The following JAK2 variants were observed in gnomAD, a reference collection of about 807,000 sequenced individuals.
JAK2 encodes the protein Janus kinase 2, also known as tyrosine-protein kinase JAK2.
In JAK2, 86 loss-of-function variants were observed where a neutral mutation model predicts 139.3. That is an observed-to-expected ratio of 0.62 (90% CI 0.52 to 0.74). JAK2 has a LOEUF of 0.74. Ranked by LOEUF, JAK2 falls within the 30% of genes least tolerant of loss-of-function variation. The pLI is 0.00. For synonymous variants in JAK2, 490 were observed against 437.7 expected (o/e 1.12, Z -1.49); for missense variants, 1,421 against 1,360.3 (o/e 1.04, Z -0.70).
chr9:5,022,032 C>T lies in JAK2; in HGVS notation c.45C>T (p.Ser15=), dbSNP rs763029603. Reference sequence around the variant, plus strand: ...CGATGACAGAAATGGAGGGAACATCCACCTCTTCTATATATCAGAATGGTG... The same window carrying T: ...CGATGACAGAAATGGAGGGAACATCTACCTCTTCTATATATCAGAATGGTG... ...CLTMTEMEGT[S]TSSIYQNGDI... The change falls in exon 3 of 25, where the codon TCC becomes TCT. Residue 15 remains serine (S), a synonymous_variant. Transcript: ENST00000381652. 34 of 1,613,984 alleles carry T rather than the reference C, an allele frequency of 2.1e-5. No individual in the cohort carries two copies. The highest frequency in any genetic ancestry group is 2.9e-5 in the Non-Finnish European group (34 of 1,179,942).
chr9:4,989,783 A>T (rs1820144107), intron 2 of JAK2, among the ~76,000 whole-genome samples: 1 of 152,202 alleles, frequency 6.6e-6, no homozygotes, highest in South Asian at 2.1e-4. Flanking sequence ...ATGTTCAGAG[A>T]GCAGTACATA....
chr9:5,005,742 C>T (rs368187605), intron 2 of JAK2, among the ~76,000 whole-genome samples: 99 of 152,190 alleles, frequency 6.5e-4, no homozygotes, highest in African/African-American at 2.2e-3. Context: ...AATGTTTCTT[C>T]CTCAGACATT....
intron 2 of JAK2, among the ~76,000 whole-genome samples, chr9:5,010,506 A>C (rs1821628294): frequency 6.6e-6 from 1 of 152,068 alleles, no homozygotes; most frequent in African/African-American, 2.4e-5. Flanking sequence ...TTTTTAGTAC[A>C]GACAGGGTTT....
intron 2 of JAK2, among the ~76,000 whole-genome samples, chr9:4,989,972 A>G (rs1197881096): frequency 6.6e-6 from 1 of 152,224 alleles, no homozygotes; most frequent in African/African-American, 2.4e-5. Context: ...TGAAATAAGT[A>G]TTTTAGGAAA....
intron 22 of JAK2, chr9:5,099,450 T>C (rs1201806416): frequency 6.6e-6 from 1 of 152,254 alleles, no homozygotes; most frequent in African/African-American, 2.4e-5. Context: ...ATCCTGTCAA[T>C]AATCATAACT....
chr9:5,040,419 A>G (rs1046032978), intron 4 of JAK2, among the ~76,000 whole-genome samples: 3 of 152,222 alleles, frequency 2.0e-5, no homozygotes. Flanking sequence ...TATGACACCA[A>G]AAGCTCAAGT....
chr9:5,059,534 A>AT (rs1818008651), intron 8 of JAK2, among the ~76,000 whole-genome samples: 2 of 152,036 alleles, frequency 1.3e-5, no homozygotes, highest in East Asian at 1.9e-4. Context: ...TCTTATACAT[A>AT]TTTTTTGGTG....
chr9:5,042,167 G>C (rs1455512586), intron 4 of JAK2, among the ~76,000 whole-genome samples: 2 of 109,346 alleles, frequency 1.8e-5, no homozygotes, highest in African/African-American at 7.2e-5. Flanking sequence ...GTCTCGCTTT[G>C]TCGCCCAGGC....
chr9:5,087,430 C>T (rs1415985813), intron 19 of JAK2, among the ~76,000 whole-genome samples: 2 of 152,028 alleles, frequency 1.3e-5, no homozygotes, highest in African/African-American at 4.8e-5. Flanking sequence ...ATGGGGTTTA[C>T]AATTCAAGAT....
At chr9:5,111,301 C>T in intron 22 of JAK2, 1 of 468,508 alleles carries the variant, frequency 2.1e-6, no homozygotes, top group Non-Finnish European at 4.1e-6. Context: ...GGCAAGCTGG[C>T]CCTCAGCAGC....
At chr9:5,044,599 A>C (rs2130327699) in intron 5 of JAK2, 79 bp downstream of exon 5, 1 of 875,952 alleles carries the variant, frequency 1.1e-6, no homozygotes, top group African/African-American at 1.7e-5. Context: ...AATCAGGAAA[A>C]ACTTTACATA....
intron 22 of JAK2, among the ~76,000 whole-genome samples, chr9:5,096,361 C>A (rs1216991917): frequency 6.6e-6 from 1 of 152,158 alleles, no homozygotes; most frequent in African/African-American, 2.4e-5. Context: ...AAACTCTATT[C>A]TGCATCAGTT....
chr9:5,061,660 TATC>T (rs368311341), intron 8 of JAK2, among the ~76,000 whole-genome samples: 1 of 152,264 alleles, frequency 6.6e-6, no homozygotes, highest in African/African-American at 2.4e-5. Context: ...ACTTTCTCTG[TATC>T]ATCAATAAGG....
rs1172842852 is a variant in JAK2, at chr9:5,128,406, G to A, written c.*1615G>A. ...TGAAAGTTTAATTTTTATTTGTAAAGACTCCTCAAGGATTTGTATATGCAA... is the reference window on the plus strand; with the variant it reads ...TGAAAGTTTAATTTTTATTTGTAAAAACTCCTCAAGGATTTGTATATGCAA... On this transcript the variant is annotated 3_prime_UTR_variant, in exon 25 of 25. Coordinates refer to ENST00000381652, the MANE Select transcript of JAK2 (RefSeq NM_004972.4). Among the ~76,000 whole-genome samples the A allele has an allele frequency of 4.0e-5, 6 of 151,590 alleles. No homozygotes were observed. The highest frequency in any genetic ancestry group is 7.4e-5 in the Non-Finnish European group (5 of 67,688).
Position 4,994,744 on chromosome 9 carries a change from C to T in JAK2, c.-26+8722C>T, listed in dbSNP as rs1294811939. ...ATGTGTGAACTGTGCTCTGCCAATTCCCAATTTAAATCATTACTTGACTCC... is the reference window on the plus strand; with the variant it reads ...ATGTGTGAACTGTGCTCTGCCAATTTCCAATTTAAATCATTACTTGACTCC... On this transcript the variant is annotated intron_variant, in intron 2 of 24. Transcript: ENST00000381652. Among the ~76,000 whole-genome samples, 3 of 152,106 alleles carry T rather than the reference C, an allele frequency of 2.0e-5. No individual in the cohort carries two copies. The South Asian group carries it at 6.2e-4, about 32-fold the overall frequency.
chr9:5,081,636 G>A (rs968384979), intron 18 of JAK2, 89 bp from the exon 19 acceptor site: 17 of 851,266 alleles, frequency 2.0e-5, no homozygotes, highest in African/African-American at 1.4e-4. Flanking sequence ...TTTAACTCAC[G>A]ATTATTTTGG....
At chr9:5,102,573 C>T (rs1284390539) in intron 22 of JAK2, among the ~76,000 whole-genome samples, 2 of 151,970 alleles carry the variant, frequency 1.3e-5, no homozygotes, top group Admixed American at 6.6e-5. Flanking sequence ...GAAGAGCAAC[C>T]CCAAGACACG....
In JAK2 at chr9:5,129,894, T is replaced by C. The variant is rs1232796126; in HGVS notation, c.*3103T>C. ...ATACCTAAATATTAAAATATTTACT[T>C]TTATAATCTTACCTTTTATTTCAAT... On this transcript the variant is annotated 3_prime_UTR_variant, in exon 25 of 25. Coordinates refer to ENST00000381652, the MANE Select transcript of JAK2 (RefSeq NM_004972.4). Among the ~76,000 whole-genome samples the C allele has an allele frequency of 6.6e-6, 1 of 152,154 alleles. No homozygotes were observed. The highest frequency in any genetic ancestry group is 1.9e-4 in the East Asian group (1 of 5,204).
chr9:5,110,004 GGTTTT>G (rs1822315953), intron 22 of JAK2: 1 of 152,146 alleles, frequency 6.6e-6, no homozygotes, highest in South Asian at 2.1e-4. Flanking sequence ...CGGCGACATT[GGTTTT>G]ATTTTAGTTA....
Sources: gnomAD v4.1 joint callset for allele counts (sites outside exome capture counted in the v4.1 genomes callset) on GRCh38, gnomAD v4.1.1 for gene constraint, MANE v1.5 for transcripts, NCBI Gene and HGNC (gene_info 2026-07-23, HGNC 2026-07-21) for gene names.